Variants in KALRN observed in about 807,000 individuals in gnomAD.
The protein encoded by KALRN is kalirin.
In KALRN, 70 loss-of-function variants were observed where a neutral mutation model predicts 353.7. That is an observed-to-expected ratio of 0.20 (90% CI 0.16 to 0.24). The LOEUF (loss-of-function observed/expected upper bound fraction) is 0.24, where lower values mean the gene tolerates loss of function less well. Ranked by LOEUF, KALRN falls within the 10% of genes least tolerant of loss-of-function variation. The probability of loss-of-function intolerance (pLI) is 1.00; values close to 1 mark genes in which losing one functional copy is unlikely to be tolerated. For synonymous variants in KALRN, 1,391 were observed against 1,434.8 expected (o/e 0.97, Z 0.69); for missense variants, 2,791 against 3,756.7 (o/e 0.74, Z 6.72).
chr3:124,594,986 T>C (rs1355510530), intron 34 of KALRN, among the ~76,000 whole-genome samples: 1 of 151,188 alleles, frequency 6.6e-6, no homozygotes, highest in East Asian at 1.9e-4. Context: ...TTTATTTATT[T>C]ATTTTTTTGA....
At chr3:124,324,122 A>G (rs910583745) in intron 6 of KALRN, among the ~76,000 whole-genome samples, 2 of 152,200 alleles carry the variant, frequency 1.3e-5, no homozygotes, top group African/African-American at 2.4e-5. Flanking sequence ...AAAGGTCTCA[A>G]TAGGGATTGA....
chr3:124,446,140 A>G (rs2150670491), intron 19 of KALRN, 21 bp from the exon 20 acceptor site: 1 of 1,555,170 alleles, frequency 6.4e-7, no homozygotes, highest in Non-Finnish European at 8.9e-7. Flanking sequence ...TGTGACCATC[A>G]TGCATCTCCT....
chr3:124,533,835 A>G (rs144174303), intron 33 of KALRN, among the ~76,000 whole-genome samples: 1 of 152,324 alleles, frequency 6.6e-6, no homozygotes, highest in East Asian at 1.9e-4. Context: ...TGTGTATAGT[A>G]ACTTATTTTC....
chr3:124,585,007 G>C (rs912311792), intron 34 of KALRN: 1 of 1,391,526 alleles, frequency 7.2e-7, no homozygotes, highest in Non-Finnish European at 9.7e-7. Context: ...GAGGCCTCTG[G>C]GGTAGGCGGA....
rs1020602329 is a variant in KALRN, at chr3:124,368,830, C to G, written c.1771-16015C>G. Among the ~76,000 whole-genome samples the G allele has an allele frequency of 2.6e-5, 4 of 152,186 alleles. No individual in the cohort carries two copies. The South Asian group carries it at 6.2e-4, about 24-fold the overall frequency. On this transcript the variant is annotated intron_variant, in intron 10 of 59. Coordinates refer to ENST00000682506, the MANE Select transcript of KALRN (RefSeq NM_001388419.1). ...ATCCCGGCACCTCGGGAGGCCGAGG[C>G]TGGCGGATCACTCGCGGTTAGGGGC... is the stretch of plus-strand genomic sequence containing the variant.
At chr3:124,591,047 G>A (rs2075717126) in intron 34 of KALRN, among the ~76,000 whole-genome samples, 1 of 152,200 alleles carries the variant, frequency 6.6e-6, no homozygotes, top group African/African-American at 2.4e-5. Context: ...TAAATCGGGT[G>A]TTGACTGTGT....
intron 34 of KALRN, among the ~76,000 whole-genome samples, chr3:124,612,541 T>C (rs915559220): frequency 3.9e-5 from 6 of 152,210 alleles, no homozygotes; most frequent in African/African-American, 7.2e-5. Flanking sequence ...TTCACCATGT[T>C]GGCCAGGCTG....
chr3:124,314,954 G>T (rs2078667685), intron 6 of KALRN, among the ~76,000 whole-genome samples: 1 of 152,140 alleles, frequency 6.6e-6, no homozygotes, highest in African/African-American at 2.4e-5. Context: ...CCCAGCCCAG[G>T]TTCTTTTAAC....
chr3:124,177,751 G>A (rs1348290544), intron 1 of KALRN, among the ~76,000 whole-genome samples: 4 of 152,202 alleles, frequency 2.6e-5, no homozygotes, highest in Admixed American at 6.5e-5. Context: ...TGATTGTGAT[G>A]TGCTGGGGAG....
At chr3:124,691,962 C>G (rs570349575) in intron 51 of KALRN, among the ~76,000 whole-genome samples, 11 of 152,324 alleles carry the variant, frequency 7.2e-5, no homozygotes, top group African/African-American at 2.6e-4. Context: ...TCCACTCCCC[C>G]ATCCCACCCC....
intron 34 of KALRN, among the ~76,000 whole-genome samples, chr3:124,615,221 C>T (rs2078436709): frequency 1.3e-5 from 2 of 152,086 alleles, no homozygotes; most frequent in Admixed American, 1.3e-4. Context: ...TTGGGATATT[C>T]CTACCAAAAA....
At chr3:124,134,288 C>A (rs1450081202) in intron 1 of KALRN, among the ~76,000 whole-genome samples, 1 of 152,142 alleles carries the variant, frequency 6.6e-6, no homozygotes, top group Admixed American at 6.5e-5. Flanking sequence ...GGAAAGGACA[C>A]CCTTTTCAAC....
At chr3:124,647,332 A>G (rs1020697043) in intron 37 of KALRN, among the ~76,000 whole-genome samples, 3 of 151,974 alleles carry the variant, frequency 2.0e-5, no homozygotes, top group Non-Finnish European at 4.4e-5. Context: ...AGACTCACAA[A>G]ACACACAGTT....
intron 18 of KALRN, among the ~76,000 whole-genome samples, chr3:124,440,359 A>T (rs905193777): frequency 6.6e-6 from 1 of 152,160 alleles, no homozygotes; most frequent in African/African-American, 2.4e-5. Context: ...ATGTCCCTGA[A>T]ACCATAGTGA....
At chr3:124,684,569 C>T (rs1351359181) in intron 51 of KALRN, among the ~76,000 whole-genome samples, 1 of 152,160 alleles carries the variant, frequency 6.6e-6, no homozygotes, top group Non-Finnish European at 1.5e-5. Context: ...GCCCCAAGTT[C>T]CTCTGGAAAG....
intron 4 of KALRN, 68 bp from the exon 5 acceptor site, chr3:124,268,675 C>T: frequency 6.7e-7 from 1 of 1,502,274 alleles, no homozygotes; most frequent in Non-Finnish European, 9.2e-7. Context: ...TCCTTTCCCT[C>T]ATCCTATTTC....
intron 51 of KALRN, among the ~76,000 whole-genome samples, chr3:124,683,163 A>G (rs774252120): frequency 6.6e-6 from 1 of 152,178 alleles, no homozygotes; most frequent in Non-Finnish European, 1.5e-5. Context: ...ACCAAACACA[A>G]GGGTACCTTA....
intron 1 of KALRN, among the ~76,000 whole-genome samples, chr3:124,035,239 C>T (rs2039309053): frequency 6.6e-6 from 1 of 152,046 alleles, no homozygotes; most frequent in African/African-American, 2.4e-5. Context: ...CTCTCTCTCT[C>T]TCATACACAC....
intron 25 of KALRN, among the ~76,000 whole-genome samples, chr3:124,473,137 T>C (rs966809894): frequency 6.6e-6 from 1 of 152,208 alleles, no homozygotes; most frequent in African/African-American, 2.4e-5. Flanking sequence ...CTCCAAACAA[T>C]GTCATTCTAT....
Sources: allele counts gnomAD v4.1 joint callset (sites outside exome capture counted in the v4.1 genomes callset), GRCh38; gene constraint gnomAD v4.1.1; transcripts MANE v1.5; gene names NCBI Gene and HGNC (gene_info 2026-07-23, HGNC 2026-07-21).